Variants in CPNE7 observed in about 807,000 individuals in gnomAD.
The protein encoded by CPNE7 is copine-7.
In CPNE7, 78 loss-of-function variants were observed where a neutral mutation model predicts 66.5. The observed-to-expected ratio is 1.17, with a 90% CI of 0.98 to 1.42. The LOEUF (loss-of-function observed/expected upper bound fraction) is 1.42, where lower values mean the gene tolerates loss of function less well. Among genes scored for constraint, CPNE7 ranks in the 40% most tolerant of loss-of-function variants. The pLI is 0.00. For synonymous variants in CPNE7, 468 were observed against 336.7 expected (o/e 1.39, Z -4.27); for missense variants, 1,012 against 776.6 (o/e 1.30, Z -3.60).
chr16:89,583,793 G>A, intron 3 of CPNE7, 22 bp downstream of exon 3: 1 of 1,611,430 alleles, frequency 6.2e-7, no homozygotes, highest in Non-Finnish European at 8.5e-7. Flanking sequence ...GCGCACCCCT[G>A]CAGCCTGCAG....
intron 2 of CPNE7, among the ~76,000 whole-genome samples, chr16:89,582,797 G>A (rs187345997): frequency 5.3e-5 from 8 of 152,228 alleles, no homozygotes; most frequent in African/African-American, 1.7e-4. Flanking sequence ...CCCAGCATCC[G>A]CCAGGCAGTA....
intron 7 of CPNE7, 83 bp from the exon 8 acceptor site, chr16:89,586,587 A>C: frequency 1.8e-6 from 2 of 1,126,984 alleles, no homozygotes; most frequent in Non-Finnish European, 1.3e-6. Flanking sequence ...TGCCGTCGCT[A>C]TTGGGGATGG....
intron 13 of CPNE7, among the ~76,000 whole-genome samples, chr16:89,594,776 C>G (rs1367533390): frequency 6.6e-6 from 1 of 151,102 alleles, no homozygotes; most frequent in African/African-American, 2.4e-5. Context: ...CTCAGCCTCC[C>G]GAATAGCTGG....
In CPNE7 at chr16:89,595,514, G is replaced by A. The variant is rs760331658; in HGVS notation, c.1450G>A (p.Asp484Asn). Residue 484 changes from aspartate (D) to asparagine (N), a missense_variant, in exon 14 of 15, where the codon GAC becomes AAC. Asp to Asn is a conservative substitution (Grantham distance 23). Transcript: ENST00000319518. ...CGACTTCACCGACATGCAGGTCCTG[G>A]ACGGCGACGACGGCGTCCTGCGCTC... ...NADFTDMQVL[D>N]GDDGVLRSPR... 37 of 1,612,508 alleles carry A rather than the reference G, an allele frequency of 2.3e-5. No homozygotes were observed. Among genetic ancestry groups the A allele is most frequent in the Non-Finnish European group, 3.0e-5 (35 of 1,179,898 alleles).
chr16:89,583,609 TGA>T, intron 2 of CPNE7, 86 bp from the exon 3 acceptor site: 1 of 1,606,952 alleles, frequency 6.2e-7, no homozygotes, highest in Non-Finnish European at 8.5e-7. Context: ...AGGACAGGCC[TGA>T]GAGTCCGGGT....
chr16:89,576,205 CG>C (rs2058856966), intron 1 of CPNE7, 134 bp downstream of exon 1: 2 of 647,124 alleles, frequency 3.1e-6, no homozygotes, highest in East Asian at 7.6e-5. Flanking sequence ...GGGCTCAGCT[CG>C]GGGTCAGGGT....
At chr16:89,585,351 G>C (rs1002707183) in intron 5 of CPNE7, 113 bp from the exon 6 acceptor site, 5 of 746,488 alleles carry the variant, frequency 6.7e-6, no homozygotes, top group African/African-American at 1.7e-5. Context: ...GGGTGATGCA[G>C]GGGCAGGGCC....
chr16:89,582,742 G>A (rs1278150226), intron 2 of CPNE7, among the ~76,000 whole-genome samples: 9 of 152,350 alleles, frequency 5.9e-5, no homozygotes, highest in Middle Eastern at 3.4e-3. Flanking sequence ...GGGGTGGAGG[G>A]ACTGCCCCTC....
intron 14 of CPNE7, 44 bp downstream of exon 14, chr16:89,595,647 C>A: frequency 6.5e-7 from 1 of 1,528,032 alleles, no homozygotes; most frequent in Non-Finnish European, 9.0e-7. Context: ...CTTGGGGGTC[C>A]CTGTTCATGT....
rs1297831199 is a variant in CPNE7 at position 89,591,129 on chromosome 16, A to G, written c.1171A>G (p.Ile391Val). The G allele has an allele frequency of 6.2e-7, 1 of 1,612,454 alleles. No homozygotes were observed. The highest frequency in any genetic ancestry group is 8.5e-7 in the Non-Finnish European group (1 of 1,179,558). ...FNPEDDECEG[I>V]QGVVEAYQNC... ...GGCTCACCCCCTGCCCCCCACAGGC[A>G]TCCAGGGCGTGGTGGAGGCCTACCA... The change falls in exon 13 of 15, where the codon ATC becomes GTC. Residue 391 changes from isoleucine (I) to valine (V), a missense_variant and splice_region_variant. Physicochemically the swap from Ile to Val is conservative, Grantham distance 29. Transcript: ENST00000319518.
At chr16:89,578,928 C>G (rs146913973) in intron 2 of CPNE7, 2 of 1,613,724 alleles carry the variant, frequency 1.2e-6, no homozygotes, top group African/African-American at 1.3e-5. Flanking sequence ...CTGGACACTG[C>G]GCTAAGCACT....
Position 89,584,091 on chromosome 16 carries a change from C to G in CPNE7, c.496C>G (p.Leu166Val), listed in dbSNP as rs141989808. ...GGAGCTCTCCTTCCGGGCCAGGAAGCTGGACGACAAGGTGAGTGCAGGTGC... is the reference window on the plus strand; with the variant it reads ...GGAGCTCTCCTTCCGGGCCAGGAAGGTGGACGACAAGGTGAGTGCAGGTGC... ...YVELSFRARK[L>V]DDKDLFSKSD... Residue 166 changes from leucine (L) to valine (V), a missense_variant, in exon 4 of 15, where the codon CTG (leucine) becomes GTG (valine). Coordinates refer to ENST00000319518, the MANE Select transcript of CPNE7 (RefSeq NM_153636.3). The surrounding 1 kb of genome is among the most constrained non-coding windows in gnomAD (Gnocchi z 6.0). The G allele has an allele frequency of 8.7e-6, 14 of 1,611,478 alleles. No individual in the cohort carries two copies. In the African/African-American group the frequency reaches 1.6e-4, roughly 18 times the overall value.
chr16:89,588,234 G>GTGTCACCCACAGATACACGGCCCCCA lies in CPNE7; in HGVS notation c.928-433_928-432insACAGATACACGGCCCCCATGTCACCC, dbSNP rs2059113848. On this transcript the variant is annotated intron_variant, in intron 9 of 14. Transcript: ENST00000319518. ...TGTCACCCACAGATACACGGCCCCCGTGTCACCCGCGTGTTATTTGCAGAT... is the reference window on the plus strand; with the variant it reads ...TGTCACCCACAGATACACGGCCCCCGTGTCACCCACAGATACACGGCCCCCATGTCACCCGCGTGTTATTTGCAGAT... Among the ~76,000 whole-genome samples, 11 of 145,462 alleles carry GTGTCACCCACAGATACACGGCCCCCA rather than the reference G, an allele frequency of 7.6e-5. 1 individual carries two copies. The highest frequency in any genetic ancestry group is 3.1e-5 in the Non-Finnish European group (2 of 64,898).
At chr16:89,587,358 G>A (rs1448409775) in intron 9 of CPNE7, among the ~76,000 whole-genome samples, 2 of 69,696 alleles carry the variant, frequency 2.9e-5, no homozygotes, top group Non-Finnish European at 5.6e-5. Context: ...CCCCCGCCCC[G>A]CTCCCGAGGG....
intron 10 of CPNE7, 58 bp from the exon 11 acceptor site, chr16:89,589,839 C>G: frequency 6.3e-7 from 1 of 1,590,334 alleles, no homozygotes; most frequent in African/African-American, 1.3e-5. Flanking sequence ...CTAGAAGTGG[C>G]CCCTGTTGCA....
intron 9 of CPNE7, among the ~76,000 whole-genome samples, chr16:89,588,395 C>T (rs1201181005): frequency 1.3e-5 from 2 of 152,120 alleles, no homozygotes; most frequent in Non-Finnish European, 2.9e-5. Flanking sequence ...GGTTGGGCGG[C>T]CACTAAGAAG....
Position 89,588,801 on chromosome 16 carries a change from T to C in CPNE7, c.1054T>C (p.Tyr352His). Reference sequence around the variant, plus strand: ...GTCCGTGGGCGAGATCTGCCAGGACTATGACAGGTGCGCCCACCACCTTCC... The same window carrying C: ...GTCCGTGGGCGAGATCTGCCAGGACCATGACAGGTGCGCCCACCACCTTCC... ...LVSVGEICQD[Y>H]DSDKRFSALG... is the part of the protein sequence containing the mutation. The change falls in exon 10 of 15, where the codon TAT becomes CAT. Residue 352 changes from tyrosine (Y) to histidine (H), a missense_variant. Coordinates refer to ENST00000319518, the MANE Select transcript of CPNE7 (RefSeq NM_153636.3). The C allele has an allele frequency of 6.2e-7, 1 of 1,613,300 alleles. No homozygotes were observed. The highest frequency in any genetic ancestry group is 8.5e-7 in the Non-Finnish European group (1 of 1,179,850).
In CPNE7 at chr16:89,584,439, G is replaced by A. The variant is rs945589710; in HGVS notation, c.508-335G>A. 2.4e-4 allele frequency among the ~76,000 whole-genome samples: 36 copies of A among 152,310 alleles called. 1 individual carries two copies. The highest frequency in any genetic ancestry group is 1.9e-3 in the Admixed American group (29 of 15,302). ...GAACAGCGCGCGGTTCTGCGGGCTC[G>A]TCACGTGGGTGGGCAGAACAGGGTC... is the stretch of plus-strand genomic sequence containing the variant. On this transcript the variant is annotated intron_variant, in intron 4 of 14. Transcript: ENST00000319518. The surrounding 1 kb of genome is among the most constrained non-coding windows in gnomAD (Gnocchi z 6.0).
At chr16:89,579,633 ATCACATCTCACCCG>A (rs958694848) in intron 2 of CPNE7, among the ~76,000 whole-genome samples, 4 of 146,990 alleles carry the variant, frequency 2.7e-5, no homozygotes, top group Non-Finnish European at 6.0e-5. Context: ...CCCATCACCC[ATCACATCTCACCCG>A]TCACATGGAA....
Sources: allele counts gnomAD v4.1 joint callset (sites outside exome capture counted in the v4.1 genomes callset), GRCh38; gene constraint gnomAD v4.1.1; non-coding constraint Gnocchi (gnomAD v3.1); transcripts MANE v1.5; gene names NCBI Gene and HGNC (gene_info 2026-07-23, HGNC 2026-07-21).